Variants in DDHD1 observed in about 807,000 individuals in gnomAD.
The protein encoded by DDHD1 is DDHD domain containing 1, also known as phospholipase DDHD1.
A neutral mutation model predicts 96.4 loss-of-function variants in DDHD1; 49 were observed. That is an observed-to-expected ratio of 0.51 (90% CI 0.40 to 0.64). DDHD1 has a LOEUF of 0.64. DDHD1 is among the 30% of genes least tolerant of loss of function. The probability of loss-of-function intolerance (pLI) is 0.00; values close to 1 mark genes in which losing one functional copy is unlikely to be tolerated. For missense variants in DDHD1, 1,106 were observed against 1,161.2 expected, an observed-to-expected ratio of 0.95 and a Z score of 0.69; for synonymous variants, 442 against 446.5, an observed-to-expected ratio of 0.99 and a Z score of 0.13.
At chr14:53,121,693 C>A (rs1566585372) in intron 1 of DDHD1, among the ~76,000 whole-genome samples, 1 of 152,102 alleles carries the variant, frequency 6.6e-6, no homozygotes, top group Non-Finnish European at 1.5e-5. Flanking sequence ...CCAAATACCC[C>A]ATGTTCTCAG....
chr14:53,050,577 A>G (rs1313048796), intron 12 of DDHD1, among the ~76,000 whole-genome samples: 31 of 152,050 alleles, frequency 2.0e-4, no homozygotes, highest in Admixed American at 2.0e-3. Flanking sequence ...GCAGTTATCT[A>G]CCTTCCCTAC....
Position 53,061,143 on chromosome 14 carries a change from G to A in DDHD1, c.1825C>T (p.Pro609Ser), listed in dbSNP as rs1883512862. 8 of 1,609,514 alleles carry A rather than the reference G, an allele frequency of 5.0e-6. No individual in the cohort carries two copies. Among genetic ancestry groups the A allele is most frequent in the African/African-American group, 1.3e-5 (1 of 74,598 alleles). Residue 609 changes from proline (P) to serine (S), a missense_variant, in exon 8 of 13, where the codon CCT (proline) becomes TCT (serine). By Grantham distance (74) the Pro-to-Ser change is moderately conservative. Coordinates refer to ENST00000673822, the MANE Select transcript of DDHD1 (RefSeq NM_001160148.2). Reference protein sequence around the residue: ...GLKASSMTQTPALKFKVENFF... With the variant: ...GLKASSMTQTSALKFKVENFF... ...TTCCTTACCTTAAATTTTAAGGCAGGTGTTTGTGTCATAGATGATGCTTTC... is the reference window on the plus strand; with the variant it reads ...TTCCTTACCTTAAATTTTAAGGCAGATGTTTGTGTCATAGATGATGCTTTC...
intron 1 of DDHD1, among the ~76,000 whole-genome samples, chr14:53,143,512 G>A (rs557151390): frequency 5.9e-5 from 9 of 152,276 alleles, no homozygotes; most frequent in African/African-American, 1.2e-4. Context: ...AATCTGACGC[G>A]TCCACCTTAC....
chr14:53,096,263 G>T, intron 2 of DDHD1: 1 of 898,244 alleles, frequency 1.1e-6, no homozygotes, highest in Non-Finnish European at 1.3e-6. Context: ...TTTTAAATGA[G>T]ATTTGCCATT....
chr14:53,147,781 G>A (rs747404745), intron 1 of DDHD1, among the ~76,000 whole-genome samples: 10 of 152,066 alleles, frequency 6.6e-5, no homozygotes, highest in Non-Finnish European at 1.5e-4. Context: ...AAGAGTAAAA[G>A]ATAAAAGTCT....
Position 53,152,540 on chromosome 14 carries a change from A to G in DDHD1, c.559T>C (p.Ser187Pro). 6.2e-7 allele frequency: 1 copy of G among 1,613,514 alleles called. No individual in the cohort carries two copies. The change falls in exon 1 of 13, where the codon TCG (serine) becomes CCG (proline). Residue 187 changes from serine (S) to proline (P), a missense_variant. Ser to Pro is a moderately conservative substitution (Grantham distance 74). Coordinates refer to ENST00000673822, the MANE Select transcript of DDHD1 (RefSeq NM_001160148.2). ...CGGAAGGCGAGCTCGATGCGGAGCG[A>G]GTCGTAGCCGATGAAGGGCTTCCAG... ...KTWKPFIGYD[S>P]LRIELAFRTL...
chr14:53,049,204 CT>C (rs888632080), intron 12 of DDHD1, among the ~76,000 whole-genome samples: 47 of 152,252 alleles, frequency 3.1e-4, no homozygotes, highest in African/African-American at 1.0e-3. Flanking sequence ...CTTAAAGGGA[CT>C]TTACTCAGTG....
At chr14:53,094,578 G>A (rs1046321921) in intron 2 of DDHD1, among the ~76,000 whole-genome samples, 36 of 150,896 alleles carry the variant, frequency 2.4e-4, no homozygotes, top group African/African-American at 8.8e-4. Flanking sequence ...GGTGATATGT[G>A]CCTGTGGTTC....
chr14:53,138,560 A>G (rs192831283), intron 1 of DDHD1, among the ~76,000 whole-genome samples: 25 of 152,352 alleles, frequency 1.6e-4, no homozygotes. Flanking sequence ...AAGTATGCTA[A>G]TAAGGTTCTT....
Position 53,152,637 on chromosome 14 carries a change from C to G in DDHD1, c.462G>C (p.Arg154=), listed in dbSNP as rs777223038. The change falls in exon 1 of 13, where the codon CGG becomes CGC. Residue 154 remains arginine (R), a synonymous_variant. Coordinates refer to ENST00000673822, the MANE Select transcript of DDHD1 (RefSeq NM_001160148.2). ...GCTCCGTCACTACCTCATAGCGGTG[C>G]CGGGCCGCCGGGCCGCCAAGCCGGG... The part of the protein sequence containing the change: ...KRTRLGGPAA[R]HRYEVVTELG... 6.2e-7 allele frequency: 1 copy of G among 1,612,832 alleles called. No individual in the cohort carries two copies. Among genetic ancestry groups the G allele is most frequent in the Non-Finnish European group, 8.5e-7 (1 of 1,179,810 alleles).
intron 1 of DDHD1, among the ~76,000 whole-genome samples, chr14:53,124,851 G>A (rs1006729685): frequency 1.3e-5 from 2 of 152,178 alleles, no homozygotes; most frequent in South Asian, 4.1e-4. Flanking sequence ...TTATCTCATA[G>A]TTCTAGATGC....
chr14:53,147,083 G>C (rs1284221530), intron 1 of DDHD1, among the ~76,000 whole-genome samples: 7 of 151,778 alleles, frequency 4.6e-5, no homozygotes, highest in East Asian at 3.9e-4. Context: ...TTCATCTTAG[G>C]CTTCCTGTGA....
At chr14:53,136,649 A>C (rs1273837946) in intron 1 of DDHD1, among the ~76,000 whole-genome samples, 1 of 152,226 alleles carries the variant, frequency 6.6e-6, no homozygotes, top group Non-Finnish European at 1.5e-5. Flanking sequence ...TAAATAGTTC[A>C]TGTTCCAATC....
At chr14:53,142,142 T>C (rs886814257) in intron 1 of DDHD1, among the ~76,000 whole-genome samples, 2 of 152,314 alleles carry the variant, frequency 1.3e-5, no homozygotes, top group African/African-American at 4.8e-5. Context: ...ACAGAGATTA[T>C]AACTTGCCCA....
At position 53,038,917 on chromosome 14, in the gene DDHD1, A is replaced by G. The variant is rs57705369; in HGVS notation, c.*7851T>C. The G allele has an allele frequency of 0.19, 28,822 of 152,186 alleles. 3,354 individuals carry two copies. The highest frequency in any genetic ancestry group is 0.31 in the East Asian group (1,600 of 5,170). 9.4% of individuals were successfully genotyped at this position (152,186 alleles called of 1,614,324 possible). ...AGCCAATAGATCTTCAGCAAAGCTG[A>G]TACAAGCAAGCAATGGGGAAAGGAA... On this transcript the variant is annotated 3_prime_UTR_variant, in exon 13 of 13. Coordinates refer to ENST00000673822, the MANE Select transcript of DDHD1 (RefSeq NM_001160148.2).
chr14:53,103,583 A>T, intron 2 of DDHD1, 100 bp downstream of exon 2: 1 of 991,930 alleles, frequency 1.0e-6, no homozygotes, highest in East Asian at 2.9e-5. Context: ...TTCTAATTCT[A>T]AACCTCCTGA....
intron 1 of DDHD1, among the ~76,000 whole-genome samples, chr14:53,129,025 A>C (rs996134056): frequency 6.6e-6 from 1 of 152,180 alleles, no homozygotes; most frequent in Non-Finnish European, 1.5e-5. Context: ...TGGCCCACCT[A>C]TCCCAAACCT....
Position 53,073,032 on chromosome 14 carries a change from C to T in DDHD1, c.1397-329G>A, listed in dbSNP as rs962033067. On this transcript the variant is annotated intron_variant, in intron 5 of 12. Coordinates refer to ENST00000673822, the MANE Select transcript of DDHD1 (RefSeq NM_001160148.2). ...GCAAAATGAGGCCACATATTTAGAA[C>T]AGGTGTCAAAACACAATCCCAAATG... Among the ~76,000 whole-genome samples, 13 of 152,066 alleles carry T rather than the reference C, an allele frequency of 8.5e-5. No homozygotes were observed. In the South Asian group the frequency reaches 2.7e-3, roughly 32 times the overall value.
chr14:53,083,123 C>T (rs111731501), intron 4 of DDHD1, among the ~76,000 whole-genome samples: 322 of 151,716 alleles, frequency 2.1e-3, no homozygotes, highest in African/African-American at 7.5e-3. Context: ...AAATAAGTTT[C>T]GTTGATATTC....
Sources: gnomAD v4.1 joint callset for allele counts (sites outside exome capture counted in the v4.1 genomes callset) on GRCh38, gnomAD v4.1.1 for gene constraint, MANE v1.5 for transcripts, NCBI Gene and HGNC (gene_info 2026-07-23, HGNC 2026-07-21) for gene names.